KAZN: variants seen among roughly 807,000 people sequenced by gnomAD.
The protein encoded by KAZN is kazrin.
A neutral mutation model predicts 87.4 loss-of-function variants in KAZN; 40 were observed. That is an observed-to-expected ratio of 0.46 (90% CI 0.36 to 0.60). The LOEUF (loss-of-function observed/expected upper bound fraction) is 0.60. KAZN is among the 20% of genes least tolerant of loss of function. The pLI, the probability that KAZN is intolerant of heterozygous loss-of-function variation, is 0.00. For missense variants in KAZN, 898 were observed against 1,073.9 expected, an observed-to-expected ratio of 0.84 and a Z score of 2.29; for synonymous variants, 466 against 458.3, an observed-to-expected ratio of 1.02 and a Z score of -0.22.
chr1:14,774,924 A>G (rs1398560399), intron 1 of KAZN, among the ~76,000 whole-genome samples: 1 of 151,554 alleles, frequency 6.6e-6, no homozygotes, highest in African/African-American at 2.4e-5. Flanking sequence ...ACCTTACGGT[A>G]TCGATTGAGA....
At chr1:13,944,840 G>A (rs527461139) in intron 1 of KAZN, among the ~76,000 whole-genome samples, 63 of 152,066 alleles carry the variant, frequency 4.1e-4, no homozygotes, top group African/African-American at 1.4e-3. Flanking sequence ...TTGACAAGTA[G>A]AAAACAAATA....
chr1:14,123,616 G>T (rs1644797358), intron 1 of KAZN, among the ~76,000 whole-genome samples: 1 of 152,234 alleles, frequency 6.6e-6, no homozygotes, highest in African/African-American at 2.4e-5. Context: ...GAAATAAATA[G>T]GCAATTCCAA....
intron 2 of KAZN, among the ~76,000 whole-genome samples, chr1:14,378,155 C>G (rs767468667): frequency 1.3e-5 from 2 of 152,166 alleles, no homozygotes; most frequent in Non-Finnish European, 2.9e-5. Context: ...TATGACACAA[C>G]ATGTAAGCAA....
At position 14,105,878 on chromosome 1, in the gene KAZN, G is replaced by A. The variant is rs527517799; in HGVS notation, c.92-74557G>A. ...GCATTTCCCGAAGGGAGCTTGTGAG[G>A]AATTGACATCAGGGTTGGGTTCGAG... On this transcript the variant is annotated intron_variant, in intron 1 of 16. Coordinates refer to the KAZN transcript ENST00000636203. Among the ~76,000 whole-genome samples, 8 of 152,296 alleles carry A rather than the reference G, an allele frequency of 5.3e-5. No individual in the cohort carries two copies. In the East Asian group the frequency reaches 1.5e-3, roughly 29 times the overall value.
At chr1:13,923,551 T>C (rs1185409889) in intron 1 of KAZN, among the ~76,000 whole-genome samples, 34 of 132,348 alleles carry the variant, frequency 2.6e-4, no homozygotes, top group African/African-American at 5.9e-4. Flanking sequence ...CCAGCCTGGG[T>C]GACAGAGCGA....
chr1:14,166,868 T>G (rs1645838889), intron 1 of KAZN, among the ~76,000 whole-genome samples: 1 of 152,226 alleles, frequency 6.6e-6, no homozygotes. Flanking sequence ...TTTTAAAAAT[T>G]CAGACTACTC....
intron 2 of KAZN, among the ~76,000 whole-genome samples, chr1:14,983,116 GC>G (rs900796225): frequency 3.3e-5 from 5 of 152,212 alleles, no homozygotes; most frequent in African/African-American, 1.2e-4. Flanking sequence ...AGAAGGGCAT[GC>G]CTCTGAGGTT....
chr1:14,280,115 C>T (rs940570268), intron 2 of KAZN, among the ~76,000 whole-genome samples: 5 of 152,052 alleles, frequency 3.3e-5, no homozygotes, highest in Non-Finnish European at 5.9e-5. Context: ...GTAATCCCAG[C>T]GCTTCGGGAG....
chr1:14,590,061 TC>T (rs1419644017), intron 2 of KAZN, among the ~76,000 whole-genome samples: 1 of 152,052 alleles, frequency 6.6e-6, no homozygotes, highest in Non-Finnish European at 1.5e-5. Context: ...GAAACTCAGC[TC>T]CTCACCAAAT....
chr1:14,982,315 C>A (rs977071203), intron 2 of KAZN, among the ~76,000 whole-genome samples: 4 of 151,822 alleles, frequency 2.6e-5, no homozygotes, highest in African/African-American at 4.8e-5. Context: ...TAAAACGTGG[C>A]CTTTGGGTGG....
At chr1:14,385,155 T>C (rs929490989) in intron 2 of KAZN, among the ~76,000 whole-genome samples, 1 of 152,182 alleles carries the variant, frequency 6.6e-6, no homozygotes, top group Admixed American at 6.5e-5. Context: ...GTGGGATCAG[T>C]GGTGATAACC....
intron 1 of KAZN, among the ~76,000 whole-genome samples, chr1:14,889,992 G>C (rs1204770339): frequency 6.6e-6 from 1 of 152,228 alleles, no homozygotes; most frequent in Non-Finnish European, 1.5e-5. Context: ...TCAGCCTCTT[G>C]AAGAGTTACA....
intron 1 of KAZN, among the ~76,000 whole-genome samples, chr1:14,789,755 A>G (rs1052648754): frequency 7.8e-5 from 8 of 102,732 alleles, no homozygotes; most frequent in Admixed American, 2.9e-4. Context: ...TAAGCTCCTC[A>G]TTACCAAAAA....
At chr1:14,978,036 G>A (rs1417716969) in intron 2 of KAZN, among the ~76,000 whole-genome samples, 1 of 152,096 alleles carries the variant, frequency 6.6e-6, no homozygotes, top group Non-Finnish European at 1.5e-5. Context: ...GGGATTACAG[G>A]CATGTGCCAC....
At chr1:15,023,580 G>A (rs935707083) in intron 2 of KAZN, among the ~76,000 whole-genome samples, 2 of 152,186 alleles carry the variant, frequency 1.3e-5, no homozygotes, top group African/African-American at 2.4e-5. Flanking sequence ...CAGATCTTGG[G>A]GGGGTCCTTG....
At chr1:14,921,260 CGAAGCAGCTTGGATGACT>C (rs1176018935) in intron 1 of KAZN, among the ~76,000 whole-genome samples, 1 of 151,998 alleles carries the variant, frequency 6.6e-6, no homozygotes, top group Non-Finnish European at 1.5e-5. Context: ...TGTGGCCTTA[CGAAGCAGCTTGGATGACT>C]GAAAAGTAAC....
chr1:14,095,444 T>A (rs545255827), intron 1 of KAZN, among the ~76,000 whole-genome samples: 76 of 152,206 alleles, frequency 5.0e-4, no homozygotes, highest in Non-Finnish European at 7.6e-4. Flanking sequence ...CATAGTGGCA[T>A]GAAAAAACAC....
At chr1:14,578,144 G>A (rs956598136) in intron 2 of KAZN, among the ~76,000 whole-genome samples, 4 of 152,024 alleles carry the variant, frequency 2.6e-5, no homozygotes, top group African/African-American at 4.8e-5. Context: ...GCTATTATTC[G>A]TATAGAATAT....
At chr1:14,922,601 G>A (rs980521848) in intron 1 of KAZN, among the ~76,000 whole-genome samples, 6 of 152,182 alleles carry the variant, frequency 3.9e-5, no homozygotes, top group African/African-American at 1.4e-4. Flanking sequence ...AGACCAGCCT[G>A]ACCAACATGG....
Sources: allele counts gnomAD v4.1 joint callset (sites outside exome capture counted in the v4.1 genomes callset), GRCh38; gene constraint gnomAD v4.1.1; transcripts MANE v1.5; gene names NCBI Gene and HGNC (gene_info 2026-07-23, HGNC 2026-07-21).